KIF6: variants seen among roughly 807,000 people sequenced by gnomAD.
KIF6 encodes the protein kinesin family member 6.
A neutral mutation model predicts 112.7 loss-of-function variants in KIF6; 106 were observed. That is an observed-to-expected ratio of 0.94 (90% CI 0.80 to 1.11). The LOEUF is 1.11. Ranked by LOEUF, KIF6 falls within the 50% of genes least tolerant of loss-of-function variation. KIF6 has a pLI of 0.00. For synonymous variants in KIF6, 339 were observed against 339.9 expected (o/e 1.00, Z 0.03); for missense variants, 929 against 964.0 (o/e 0.96, Z 0.48).
At chr6:39,697,702 T>C (rs1399540495) in intron 3 of KIF6, among the ~76,000 whole-genome samples, 1 of 151,910 alleles carries the variant, frequency 6.6e-6, no homozygotes, top group Non-Finnish European at 1.5e-5. Context: ...ACCACCACAC[T>C]TGGCTAATCT....
chr6:39,356,283 T>G (rs575748718), intron 19 of KIF6, among the ~76,000 whole-genome samples: 2 of 152,036 alleles, frequency 1.3e-5, no homozygotes, highest in African/African-American at 4.8e-5. Context: ...TTCTTTTTTT[T>G]TTTTGAGACG....
At chr6:39,385,519 A>G (rs9380852) in intron 16 of KIF6, 103 bp downstream of exon 16, 30,111 of 943,982 alleles carry the variant, frequency 0.032, 1,385 homozygotes, top group East Asian at 0.21. Context: ...TTAACCTCAG[A>G]GAGGGTTTTA....
At chr6:39,617,961 G>A (rs1439459177) in intron 5 of KIF6, among the ~76,000 whole-genome samples, 2 of 152,170 alleles carry the variant, frequency 1.3e-5, no homozygotes. Context: ...CATTTTCTCA[G>A]AAGCTCTTTA....
intron 21 of KIF6, 68 bp downstream of exon 21, chr6:39,345,632 C>A (rs1431428369): frequency 3.0e-6 from 4 of 1,323,366 alleles, no homozygotes; most frequent in Non-Finnish European, 3.2e-6. Context: ...GGGGAGTAGA[C>A]TGGAGATGGA....
chr6:39,372,241 C>G (rs531574434), intron 16 of KIF6, among the ~76,000 whole-genome samples: 4 of 152,080 alleles, frequency 2.6e-5, no homozygotes, highest in Admixed American at 6.5e-5. Context: ...AGAACTTTCC[C>G]TCCTATGAAG....
At chr6:39,369,053 G>C (rs1765774247) in intron 16 of KIF6, among the ~76,000 whole-genome samples, 1 of 152,188 alleles carries the variant, frequency 6.6e-6, no homozygotes, top group Admixed American at 6.5e-5. Context: ...CACAACCATA[G>C]ATCACTTCAG....
chr6:39,415,327 GC>G (rs1769836056), intron 15 of KIF6, among the ~76,000 whole-genome samples: 1 of 114,082 alleles, frequency 8.8e-6, no homozygotes, highest in Non-Finnish European at 1.8e-5. Context: ...AAAAAAAAAG[GC>G]CAAATGGGAC....
At chr6:39,426,165 G>A (rs958869651) in intron 14 of KIF6, among the ~76,000 whole-genome samples, 3 of 152,226 alleles carry the variant, frequency 2.0e-5, no homozygotes, top group Non-Finnish European at 2.9e-5. Context: ...GCCAAGCATG[G>A]GGTTTCCAGC....
At chr6:39,604,540 CTGTTTA>C (rs1040617798) in intron 6 of KIF6, among the ~76,000 whole-genome samples, 2 of 152,076 alleles carry the variant, frequency 1.3e-5, no homozygotes, top group African/African-American at 4.8e-5. Flanking sequence ...TCTGACTTTT[CTGTTTA>C]TAAGATACCT....
chr6:39,716,063 C>A (rs200723839), intron 2 of KIF6, among the ~76,000 whole-genome samples: 1 of 152,086 alleles, frequency 6.6e-6, no homozygotes, highest in Non-Finnish European at 1.5e-5. Context: ...CCATTTTCTA[C>A]CCCACTTCTT....
intron 22 of KIF6, among the ~76,000 whole-genome samples, chr6:39,337,252 T>TTCTTTTCTTTCCC (rs1763079486): frequency 1.8e-4 from 17 of 94,874 alleles, no homozygotes; most frequent in Non-Finnish European, 2.6e-4. Flanking sequence ...TTTCTTTTCT[T>TTCTTTTCTTTCCC]TCCCTCCCTC....
At chr6:39,564,692 T>C (rs1166090222) in intron 10 of KIF6, among the ~76,000 whole-genome samples, 2 of 152,330 alleles carry the variant, frequency 1.3e-5, no homozygotes, top group Middle Eastern at 3.4e-3. Flanking sequence ...GGTGTGCTTT[T>C]GCTGTAAGTT....
rs1766613419 is a variant in KIF6 at position 39,378,268 on chromosome 6, C to G, written c.1861+7354G>C. On this transcript the variant is annotated intron_variant, in intron 16 of 22. Coordinates refer to ENST00000287152, the MANE Select transcript of KIF6 (RefSeq NM_145027.6). This position sits in a 1 kb window ranked among gnomAD's most constrained non-coding sequence, Gnocchi z 5.0. ...CACACCACACACACACACAAACCCA[C>G]AAACCACACACACATACACACCACA... Among the ~76,000 whole-genome samples the G allele has an allele frequency of 6.6e-6, 1 of 151,608 alleles. No individual in the cohort carries two copies. Among genetic ancestry groups the G allele is most frequent in the Admixed American group, 6.6e-5 (1 of 15,202 alleles).
At chr6:39,572,060 A>G (rs2150622354) in intron 10 of KIF6, among the ~76,000 whole-genome samples, 1 of 152,308 alleles carries the variant, frequency 6.6e-6, no homozygotes, top group South Asian at 2.1e-4. Context: ...TAATGTATTA[A>G]CCATATGTAA....
intron 14 of KIF6, among the ~76,000 whole-genome samples, chr6:39,424,592 C>T (rs1363234950): frequency 6.6e-6 from 1 of 152,198 alleles, no homozygotes; most frequent in Non-Finnish European, 1.5e-5. Context: ...CAGAGTAGGA[C>T]CAAATGCCTA....
intron 13 of KIF6, among the ~76,000 whole-genome samples, chr6:39,472,544 C>T (rs993080193): frequency 6.6e-6 from 1 of 152,166 alleles, no homozygotes; most frequent in Admixed American, 6.5e-5. Context: ...GGGGCTTTTG[C>T]AGAATGAAAA....
intron 13 of KIF6, among the ~76,000 whole-genome samples, chr6:39,441,829 T>C (rs1042211839): frequency 6.6e-6 from 1 of 152,208 alleles, no homozygotes; most frequent in Non-Finnish European, 1.5e-5. Context: ...TGGGCTAAAG[T>C]CCTCAGATTA....
chr6:39,462,634 T>C (rs1334384030), intron 13 of KIF6, among the ~76,000 whole-genome samples: 1 of 151,512 alleles, frequency 6.6e-6, no homozygotes, highest in Non-Finnish European at 1.5e-5. Flanking sequence ...GAAAAATGAG[T>C]CTACAGAGAT....
chr6:39,427,944 C>A (rs1045360040), intron 14 of KIF6, among the ~76,000 whole-genome samples: 6 of 152,190 alleles, frequency 3.9e-5, no homozygotes, highest in African/African-American at 1.2e-4. Flanking sequence ...ACAATGCCAA[C>A]TTTATAATAA....
Sources: allele counts gnomAD v4.1 joint callset (sites outside exome capture counted in the v4.1 genomes callset), GRCh38; gene constraint gnomAD v4.1.1; non-coding constraint Gnocchi (gnomAD v3.1); transcripts MANE v1.5; gene names NCBI Gene and HGNC (gene_info 2026-07-23, HGNC 2026-07-21).